LOC112694756: variants seen among roughly 807,000 people sequenced by gnomAD.
chr16:30,067,088 G>A, the LOC112694756 span: 2 of 1,570,106 alleles, frequency 1.3e-6, no homozygotes, highest in Admixed American at 3.8e-5. Context: ...AGAGAGCTGG[G>A]GACCAGAAGT....
At chr16:30,058,109 A>C in the LOC112694756 span, among the ~76,000 whole-genome samples, 1 of 152,078 alleles carries the variant, frequency 6.6e-6, no homozygotes, top group African/African-American at 2.4e-5. Context: ...CATTGTAAGG[A>C]TAGACTGGGC....
chr16:30,062,614 G>A, the LOC112694756 span, among the ~76,000 whole-genome samples: 3 of 151,752 alleles, frequency 2.0e-5, no homozygotes, highest in Admixed American at 6.6e-5. Context: ...AGGCCAAGGC[G>A]GGCAGATACC....
chr16:30,068,530 G>A, the LOC112694756 span: 2 of 1,193,180 alleles, frequency 1.7e-6, no homozygotes, highest in South Asian at 2.5e-5. Flanking sequence ...TTGAGTCCAG[G>A]AAGTGGAGGC....
chr16:30,055,291 C>A, the LOC112694756 span: 1 of 399,362 alleles, frequency 2.5e-6, no homozygotes, highest in Non-Finnish European at 4.4e-6. Flanking sequence ...GCCCGGCCCA[C>A]TTCCTGGATG....
the LOC112694756 span, chr16:30,065,573 G>A: frequency 2.6e-5 from 4 of 152,336 alleles, no homozygotes; most frequent in Admixed American, 6.5e-5. Context: ...ACGTCCGAGG[G>A]GGGTGGGGAG....
At chr16:30,069,991 C>G in the LOC112694756 span, 1 of 1,613,864 alleles carries the variant, frequency 6.2e-7, no homozygotes, top group Non-Finnish European at 8.5e-7. Flanking sequence ...GAAGGAGAAC[C>G]TGAAGGCTGC....
chr16:30,066,836 A>G, the LOC112694756 span: 41 of 1,524,044 alleles, frequency 2.7e-5, no homozygotes, highest in African/African-American at 5.1e-4. Flanking sequence ...CCTCTGCTTG[A>G]TTCACGATCT....
the LOC112694756 span, among the ~76,000 whole-genome samples, chr16:30,057,477 G>A: frequency 5.3e-5 from 8 of 152,062 alleles, no homozygotes; most frequent in East Asian, 1.9e-4. Context: ...AAATGTAATC[G>A]ACCACCGTCC....
chr16:30,061,541 CCATTT>C, the LOC112694756 span, among the ~76,000 whole-genome samples: 1 of 145,248 alleles, frequency 6.9e-6, no homozygotes, highest in Non-Finnish European at 1.5e-5. Context: ...GTCTATGCCT[CCATTT>C]CCTTTTTTTT....
the LOC112694756 span, chr16:30,068,750 G>C: frequency 1.9e-6 from 3 of 1,614,200 alleles, no homozygotes; most frequent in Non-Finnish European, 2.5e-6. Context: ...GAGCAGGTTT[G>C]GGTGCTGGGA....
the LOC112694756 span, chr16:30,063,949 G>A: frequency 2.3e-5 from 9 of 398,910 alleles, no homozygotes; most frequent in Non-Finnish European, 3.5e-5. Context: ...ATGGCCTGCC[G>A]AGCACCCAGG....
At chr16:30,067,589 C>G in the LOC112694756 span, 7 of 1,614,154 alleles carry the variant, frequency 4.3e-6, no homozygotes, top group South Asian at 7.7e-5. Context: ...ATGAGACACT[C>G]TACCAGAAGG....
the LOC112694756 span, among the ~76,000 whole-genome samples, chr16:30,065,215 C>T: frequency 6.6e-6 from 1 of 152,224 alleles, no homozygotes; most frequent in African/African-American, 2.4e-5. Flanking sequence ...ATGCCCTTTC[C>T]TCCGCCTCCC....
At chr16:30,067,633 A>C in the LOC112694756 span, 1 of 1,614,142 alleles carries the variant, frequency 6.2e-7, no homozygotes, top group South Asian at 1.1e-5. Flanking sequence ...CAAGTTATCA[A>C]ATCCAAGGGC....
the LOC112694756 span, chr16:30,069,233 A>G: frequency 6.5e-7 from 1 of 1,527,816 alleles, no homozygotes; most frequent in African/African-American, 1.4e-5. Flanking sequence ...GGTCTTGACC[A>G]GTGGCTGTGG....
chr16:30,053,649 T>A, the LOC112694756 span: 1 of 152,394 alleles, frequency 6.6e-6, no homozygotes, highest in East Asian at 1.9e-4. Flanking sequence ...TCAGGAAGAG[T>A]CCAGGAATGG....
chr16:30,057,018 C>T, the LOC112694756 span, among the ~76,000 whole-genome samples: 1 of 150,756 alleles, frequency 6.6e-6, no homozygotes, highest in Admixed American at 6.7e-5. Context: ...TCAAGCTATT[C>T]TCCTGCCTCA....
the LOC112694756 span, chr16:30,063,623 C>T: frequency 2.5e-6 from 1 of 398,360 alleles, no homozygotes; most frequent in African/African-American, 2.1e-5. Context: ...CCCTCTGTTC[C>T]ACTGGGCAAG....
At chr16:30,066,859 A>G in the LOC112694756 span, 1 of 1,542,826 alleles carries the variant, frequency 6.5e-7, no homozygotes, top group Non-Finnish European at 8.8e-7. Context: ...ACATTCTAAA[A>G]TACTCCGGTT....
Sources: allele counts gnomAD v4.1 joint callset (sites outside exome capture counted in the v4.1 genomes callset), GRCh38; gene constraint gnomAD v4.1.1; transcripts MANE v1.5.